The following FILIP1 variants were observed in gnomAD, a reference collection of about 807,000 sequenced individuals.
The protein encoded by FILIP1 is filamin A interacting protein 1, also known as filamin-A-interacting protein 1.
FILIP1 carries 61 observed loss-of-function variants against 102.1 expected under a neutral mutation model. That is an observed-to-expected ratio of 0.60 (90% CI 0.49 to 0.74). FILIP1 has a LOEUF of 0.74. Ranked by LOEUF, FILIP1 falls within the 30% of genes least tolerant of loss-of-function variation. FILIP1 has a pLI of 0.00. For missense variants in FILIP1, 1,314 were observed against 1,441.2 expected (o/e 0.91, Z 1.43); for synonymous variants, 491 against 526.9 (o/e 0.93, Z 0.93).
intron 1 of FILIP1, among the ~76,000 whole-genome samples, chr6:75,477,923 C>T (rs2998369): frequency 1 from 152,326 of 152,360 alleles, 76,146 homozygotes; most frequent in Middle Eastern, 1. Flanking sequence ...TAATGTACTG[C>T]TGTTAGATTT....
intron 1 of FILIP1, among the ~76,000 whole-genome samples, chr6:75,427,636 C>T (rs1777670968): frequency 6.6e-6 from 1 of 152,056 alleles, no homozygotes; most frequent in African/African-American, 2.4e-5. Flanking sequence ...TCTCTCTGCC[C>T]CACCTAACCT....
rs1441144794 is a variant in FILIP1 at position 75,481,251 on chromosome 6, T to C, written c.-7+12163A>G. 2.0e-5 allele frequency among the ~76,000 whole-genome samples: 3 copies of C among 152,186 alleles called. No individual in the cohort carries two copies. In the East Asian group the frequency reaches 5.8e-4, roughly 29 times the overall value. ...GTTAGAGAGCAGAGATAATATAACA[T>C]TCACCATTGTATCCCAATCCCTAGC... On this transcript the variant is annotated intron_variant, in intron 1 of 5. Transcript: ENST00000237172.
intron 3 of FILIP1, among the ~76,000 whole-genome samples, chr6:75,356,722 G>T (rs1475972436): frequency 6.6e-6 from 1 of 152,118 alleles, no homozygotes; most frequent in African/African-American, 2.4e-5. Flanking sequence ...ACTCACCTCT[G>T]CCTCCCAAAG....
At chr6:75,320,607 A>T (rs548444748) in intron 4 of FILIP1, among the ~76,000 whole-genome samples, 3 of 152,202 alleles carry the variant, frequency 2.0e-5, no homozygotes, top group South Asian at 4.2e-4. Context: ...ACAAATATAG[A>T]TCTGGAAATT....
intron 2 of FILIP1, among the ~76,000 whole-genome samples, chr6:75,376,360 C>T (rs1300916900): frequency 6.6e-6 from 1 of 152,102 alleles, no homozygotes; most frequent in Non-Finnish European, 1.5e-5. Context: ...GCAAAATGGG[C>T]ATAGCAATAG....
intron 1 of FILIP1, among the ~76,000 whole-genome samples, chr6:75,426,665 G>T (rs1262806520): frequency 6.6e-6 from 1 of 152,064 alleles, no homozygotes; most frequent in Non-Finnish European, 1.5e-5. Flanking sequence ...TGCAGCCTTT[G>T]TGTGAATTAT....
Position 75,490,239 on chromosome 6 carries a change from T to C in FILIP1, c.-7+3175A>G, listed in dbSNP as rs138060092. 8.1e-3 allele frequency among the ~76,000 whole-genome samples: 1,237 copies of C among 152,090 alleles called. 20 individuals are homozygous for C. The highest frequency in any genetic ancestry group is 0.059 in the South Asian group (283 of 4,820). On this transcript the variant is annotated intron_variant, in intron 1 of 5. Transcript: ENST00000237172. ...AATTTCATTGGAAAATTCCATAGGG[T>C]TTCTTACTGAATATCCACTTAAAAG...
intron 4 of FILIP1, among the ~76,000 whole-genome samples, chr6:75,350,212 A>G (rs1562488508): frequency 6.6e-6 from 1 of 152,192 alleles, no homozygotes; most frequent in Non-Finnish European, 1.5e-5. Flanking sequence ...CAGAAAAACA[A>G]AAAAGATTTA....
chr6:75,408,813 T>C (rs1217720678), intron 2 of FILIP1, among the ~76,000 whole-genome samples: 1 of 152,170 alleles, frequency 6.6e-6, no homozygotes, highest in Non-Finnish European at 1.5e-5. Flanking sequence ...ACCCTATTTC[T>C]TTCTAGCTGG....
intron 1 of FILIP1, among the ~76,000 whole-genome samples, chr6:75,452,369 T>C (rs1778663955): frequency 6.6e-6 from 1 of 152,174 alleles, no homozygotes; most frequent in South Asian, 2.1e-4. Context: ...TTTGGTTTTT[T>C]GTCCTTGCGA....
At chr6:75,480,820 T>C (rs540359558) in intron 1 of FILIP1, among the ~76,000 whole-genome samples, 1 of 152,356 alleles carries the variant, frequency 6.6e-6, no homozygotes, top group South Asian at 2.1e-4. Flanking sequence ...TGCCTCATTA[T>C]GGCCACTAAA....
At chr6:75,373,222 G>A (rs1013102068) in intron 2 of FILIP1, among the ~76,000 whole-genome samples, 1 of 152,162 alleles carries the variant, frequency 6.6e-6, no homozygotes, top group Non-Finnish European at 1.5e-5. Flanking sequence ...CAGGTACTTA[G>A]AGTACTCAAA....
intron 4 of FILIP1, 39 bp downstream of exon 4, chr6:75,353,500 G>A: frequency 1.2e-6 from 2 of 1,608,668 alleles, no homozygotes; most frequent in Non-Finnish European, 1.7e-6. Context: ...AAAGGGCTAT[G>A]GGCATCCAGA....
In FILIP1 at chr6:75,372,620, A is replaced by AG; in HGVS notation, c.277-9704_277-9703insC. ...CTATCAAGAAAAGAAAGAAAGAAAG[A>AG]AAAAGAAAGAAAGAAAGAAAGAAAG... On this transcript the variant is annotated intron_variant, in intron 2 of 5. Coordinates refer to ENST00000237172, the MANE Select transcript of FILIP1 (RefSeq NM_015687.5). 3.7e-5 allele frequency among the ~76,000 whole-genome samples: 3 copies of AG among 81,706 alleles called. No individual in the cohort carries two copies. In the Admixed American group the frequency reaches 4.5e-4, roughly 12 times the overall value. 53.6% of individuals were successfully genotyped at this position (81,706 alleles called of 152,430 possible).
chr6:75,357,093 A>C (rs1775029046), intron 3 of FILIP1: 1 of 152,124 alleles, frequency 6.6e-6, no homozygotes, highest in African/African-American at 2.4e-5. Context: ...GAGGTGACTT[A>C]TTTGAAAGTT....
chr6:75,366,150 T>C, intron 2 of FILIP1: 1 of 152,254 alleles, frequency 6.6e-6, no homozygotes, highest in East Asian at 1.9e-4. Context: ...ATATTTATTA[T>C]GATTTAGTCA....
intron 1 of FILIP1, among the ~76,000 whole-genome samples, chr6:75,415,533 GAAAAAAAAAAA>G (rs34828375): frequency 1.3e-5 from 1 of 78,762 alleles, no homozygotes; most frequent in South Asian, 4.3e-4. Flanking sequence ...TCACAGTGTG[GAAAAAAAAAAA>G]AAAAAAAAAA....
chr6:75,312,964 T>C lies in FILIP1; in HGVS notation c.2868A>G (p.Pro956=). 1.2e-6 allele frequency: 2 copies of C among 1,614,198 alleles called. No homozygotes were observed. Among genetic ancestry groups the C allele is most frequent in the Non-Finnish European group, 1.7e-6 (2 of 1,180,036 alleles). The change falls in exon 5 of 6, where the codon CCA becomes CCG. Residue 956 remains proline (P), a synonymous_variant. Coordinates refer to ENST00000237172, the MANE Select transcript of FILIP1 (RefSeq NM_015687.5). The part of the protein sequence containing the change: ...GNQKPRITII[P]SPNVMPQKQK... ...GTTTTTGAGGCATAACGTTTGGTGATGGAATAATGGTTATTCTTGGTTTCT... is the reference window on the plus strand; with the variant it reads ...GTTTTTGAGGCATAACGTTTGGTGACGGAATAATGGTTATTCTTGGTTTCT...
chr6:75,335,208 A>T (rs955294476), intron 4 of FILIP1, among the ~76,000 whole-genome samples: 2 of 152,186 alleles, frequency 1.3e-5, no homozygotes, highest in African/African-American at 2.4e-5. Context: ...GGTACATGGT[A>T]TCTAAATGAA....
Sources: allele counts gnomAD v4.1 joint callset (sites outside exome capture counted in the v4.1 genomes callset), GRCh38; gene constraint gnomAD v4.1.1; transcripts MANE v1.5; gene names NCBI Gene and HGNC (gene_info 2026-07-23, HGNC 2026-07-21).